Variants in SYN3 observed in about 807,000 individuals in gnomAD.
SYN3 encodes synapsin-3.
A neutral mutation model predicts 65.8 loss-of-function variants in SYN3; 35 were observed. That is an observed-to-expected ratio of 0.53 (90% confidence interval 0.41 to 0.70). SYN3 has a LOEUF of 0.70. Among genes scored for constraint, SYN3 ranks in the 30% least tolerant of loss-of-function variants. The pLI, the probability that SYN3 is intolerant of heterozygous loss-of-function variation, is 0.00. For missense variants in SYN3, 680 were observed against 749.0 expected (o/e 0.91, Z 1.08); for synonymous variants, 270 against 292.9 (o/e 0.92, Z 0.80).
intron 6 of SYN3, among the ~76,000 whole-genome samples, chr22:32,681,895 A>G (rs1453345472): frequency 1.3e-5 from 2 of 152,220 alleles, no homozygotes; most frequent in Admixed American, 6.5e-5. Context: ...TGGGATAGAG[A>G]GTCCTGGAGG....
intron 6 of SYN3, among the ~76,000 whole-genome samples, chr22:32,719,311 G>A (rs1433200469): frequency 6.6e-6 from 1 of 152,194 alleles, no homozygotes; most frequent in East Asian, 1.9e-4. Flanking sequence ...AAGGAAGAAT[G>A]CAAGAACCAA....
intron 6 of SYN3, among the ~76,000 whole-genome samples, chr22:32,632,072 A>T (rs1192949610): frequency 6.6e-6 from 1 of 152,222 alleles, no homozygotes; most frequent in Admixed American, 6.5e-5. Flanking sequence ...CCCTAGACAG[A>T]TAAAGGTCTT....
At chr22:33,035,334 C>CT (rs2053835978) in intron 1 of SYN3, among the ~76,000 whole-genome samples, 1 of 62,494 alleles carries the variant, frequency 1.6e-5, no homozygotes, top group African/African-American at 6.8e-5. Context: ...CTCGGGACCC[C>CT]CCCCCCCCCC....
intron 4 of SYN3, among the ~76,000 whole-genome samples, chr22:32,880,160 T>C (rs2049090792): frequency 6.6e-6 from 1 of 152,210 alleles, no homozygotes; most frequent in South Asian, 2.1e-4. Flanking sequence ...CGATTACTCA[T>C]TATTGGGTAC....
intron 6 of SYN3, among the ~76,000 whole-genome samples, chr22:32,718,800 G>T (rs139291833): frequency 6.8e-4 from 103 of 152,262 alleles, no homozygotes; most frequent in African/African-American, 2.4e-3. Flanking sequence ...ATGTGTGACT[G>T]ATCACACCCT....
In SYN3 at chr22:32,527,949, T is replaced by C. The variant is rs752824618; in HGVS notation, c.1287A>G (p.Leu429=). The change falls in exon 12 of 14, where the codon CTA becomes CTG. Residue 429 remains leucine, a synonymous_variant. Coordinates refer to ENST00000358763, the MANE Select transcript of SYN3 (RefSeq NM_003490.4). The stretch of plus-strand genomic sequence containing the variant: ...GAGGTGGGCGTGGCTGGGGCTGGCC[T>C]AGCTGAGGCCCCAGCTGGGCTTGCC... The part of the protein sequence containing the change: ...SPGQAQLGPQ[L]GQPQPRPPPQ... 3.8e-6 allele frequency: 6 copies of C among 1,590,736 alleles called. No homozygotes were observed. The highest frequency in any genetic ancestry group is 2.3e-5 in the East Asian group (1 of 43,736).
intron 4 of SYN3, among the ~76,000 whole-genome samples, chr22:32,920,624 C>A (rs975480619): frequency 1.1e-4 from 17 of 152,176 alleles, no homozygotes; most frequent in Non-Finnish European, 2.9e-5. Flanking sequence ...TAGAATCTGA[C>A]CTTGTAAGCA....
chr22:32,832,440 A>G (rs563571356), intron 6 of SYN3, among the ~76,000 whole-genome samples: 1 of 152,324 alleles, frequency 6.6e-6, no homozygotes, highest in Non-Finnish European at 1.5e-5. Flanking sequence ...TGTCAAACTC[A>G]CATAGAAAAT....
intron 7 of SYN3, among the ~76,000 whole-genome samples, chr22:32,576,172 G>A (rs138185725): frequency 2.0e-5 from 3 of 152,242 alleles, no homozygotes; most frequent in African/African-American, 7.2e-5. Context: ...GGGCTCCCAA[G>A]TATTCCTGAT....
At chr22:32,650,215 T>TTC (rs140464317) in intron 6 of SYN3, among the ~76,000 whole-genome samples, 179 of 122,908 alleles carry the variant, frequency 1.5e-3, no homozygotes, top group African/African-American at 5.2e-3. Flanking sequence ...ACACTTTTCT[T>TTC]TCTCTCTCTC....
intron 6 of SYN3, among the ~76,000 whole-genome samples, chr22:32,662,628 C>T (rs1040076026): frequency 6.6e-6 from 1 of 152,154 alleles, no homozygotes; most frequent in Admixed American, 6.5e-5. Context: ...AATAAAAATA[C>T]CTACTTCATA....
At chr22:32,737,674 T>A (rs777317411) in intron 6 of SYN3, among the ~76,000 whole-genome samples, 21 of 152,160 alleles carry the variant, frequency 1.4e-4, no homozygotes, top group Non-Finnish European at 2.4e-4. Flanking sequence ...TCAAAGGAGG[T>A]GAGGGAGCTA....
chr22:32,513,712 CAA>C lies in SYN3; in HGVS notation c.1721_1722del (p.Phe574CysfsTer6). 1 of 1,614,140 alleles carries C rather than the reference CAA, an allele frequency of 6.2e-7. No individual in the cohort carries two copies. The highest frequency in any genetic ancestry group is 1.3e-5 in the African/African-American group (1 of 75,030). ...TGGCGTTAGTCAGAGAACAGGCTGG[CAA>C]AAGACTTCCTCAGGTTGCGGATGGT... ...AETIRNLRKS[F>X]ASLFSD On this transcript the variant is annotated frameshift_variant, in exon 14 of 14. Coordinates refer to ENST00000358763, the MANE Select transcript of SYN3 (RefSeq NM_003490.4). LOFTEE classifies it high-confidence loss of function.
At chr22:33,001,591 G>A (rs1194542087) in intron 2 of SYN3, among the ~76,000 whole-genome samples, 1 of 152,104 alleles carries the variant, frequency 6.6e-6, no homozygotes, top group Non-Finnish European at 1.5e-5. Context: ...GCCTACAAGG[G>A]GCTACTGTTA....
At chr22:32,552,779 C>T (rs146199103) in intron 7 of SYN3, among the ~76,000 whole-genome samples, 19 of 152,284 alleles carry the variant, frequency 1.2e-4, no homozygotes, top group African/African-American at 4.1e-4. Flanking sequence ...GAGGACACTG[C>T]GATATGTAAC....
chr22:33,005,526 G>A (rs111487360), intron 2 of SYN3, among the ~76,000 whole-genome samples: 44 of 152,358 alleles, frequency 2.9e-4, no homozygotes, highest in East Asian at 1.9e-3. Context: ...GCCTGGCACC[G>A]AATCAGTGCT....
At chr22:32,951,790 G>T (rs1007736730) in intron 3 of SYN3, among the ~76,000 whole-genome samples, 1 of 152,190 alleles carries the variant, frequency 6.6e-6, no homozygotes, top group Non-Finnish European at 1.5e-5. Context: ...GCAGAGTTGG[G>T]CCAGCTCGGA....
chr22:32,556,224 C>T (rs112660034), intron 7 of SYN3, among the ~76,000 whole-genome samples: 200 of 152,264 alleles, frequency 1.3e-3, no homozygotes, highest in Middle Eastern at 6.8e-3. Context: ...AAAAAAAGTA[C>T]GGAATGTTTT....
At chr22:32,611,577 C>T (rs963627262) in intron 6 of SYN3, among the ~76,000 whole-genome samples, 2 of 152,126 alleles carry the variant, frequency 1.3e-5, no homozygotes, top group South Asian at 2.1e-4. Flanking sequence ...CAGGCTTGAG[C>T]CACCGCACCC....
Sources: gnomAD v4.1 joint callset for allele counts (sites outside exome capture counted in the v4.1 genomes callset) on GRCh38, gnomAD v4.1.1 for gene constraint, MANE v1.5 for transcripts, NCBI Gene and HGNC (gene_info 2026-07-23, HGNC 2026-07-21) for gene names.